NCKAP5: variants seen among roughly 807,000 people sequenced by gnomAD.
The protein encoded by NCKAP5 is NCK associated protein 5, also known as nck-associated protein 5.
A neutral mutation model predicts 167.0 loss-of-function variants in NCKAP5; 92 were observed. The ratio of observed to expected loss-of-function variants is 0.55; its 90% CI spans 0.47 to 0.66. The LOEUF (loss-of-function observed/expected upper bound fraction) is 0.66, where lower values mean the gene tolerates loss of function less well. Among genes scored for constraint, NCKAP5 ranks in the 30% least tolerant of loss-of-function variants. NCKAP5 has a pLI of 0.00. For synonymous variants in NCKAP5, 891 were observed against 877.4 expected (o/e 1.02, Z -0.27); for missense variants, 2,378 against 2,315.0 (o/e 1.03, Z -0.56).
chr2:132,802,043 G>T (rs967090628), intron 11 of NCKAP5, among the ~76,000 whole-genome samples: 1 of 152,182 alleles, frequency 6.6e-6, no homozygotes, highest in Non-Finnish European at 1.5e-5. Flanking sequence ...CTCCCGAAGT[G>T]CTAGGATTAC....
chr2:133,283,902 T>G (rs1380330927), intron 4 of NCKAP5, among the ~76,000 whole-genome samples: 1 of 152,132 alleles, frequency 6.6e-6, no homozygotes, highest in African/African-American at 2.4e-5. Flanking sequence ...TGAGCCACCG[T>G]GCCCGGCCTT....
chr2:132,962,971 G>T (rs1022784791), intron 8 of NCKAP5, among the ~76,000 whole-genome samples: 4 of 152,028 alleles, frequency 2.6e-5, no homozygotes, highest in Non-Finnish European at 5.9e-5. Context: ...TAGATGTTGG[G>T]TGAAGGCCCT....
chr2:133,443,796 T>G (rs1691007671), intron 3 of NCKAP5, among the ~76,000 whole-genome samples: 1 of 152,168 alleles, frequency 6.6e-6, no homozygotes, highest in Non-Finnish European at 1.5e-5. Flanking sequence ...GAGGGACCTC[T>G]TGAGTCTGTT....
At chr2:133,017,028 T>C (rs1443614152) in intron 6 of NCKAP5, among the ~76,000 whole-genome samples, 1 of 152,200 alleles carries the variant, frequency 6.6e-6, no homozygotes, top group African/African-American at 2.4e-5. Context: ...GTGAAATGTG[T>C]TCAATATTTA....
At chr2:132,887,668 G>A (rs765847498) in intron 8 of NCKAP5, among the ~76,000 whole-genome samples, 2 of 152,068 alleles carry the variant, frequency 1.3e-5, no homozygotes, top group Non-Finnish European at 2.9e-5. Context: ...TGGCCAAATA[G>A]TGACTATTGG....
chr2:133,427,366 A>C (rs1179535877), intron 3 of NCKAP5, among the ~76,000 whole-genome samples: 1 of 152,216 alleles, frequency 6.6e-6, no homozygotes, highest in African/African-American at 2.4e-5. Flanking sequence ...AGAAGTACAC[A>C]AAAGAAGGTA....
chr2:132,725,609 A>G lies in NCKAP5; in HGVS notation c.5713+18T>C, dbSNP rs756522695. 4 of 1,601,480 alleles carry G rather than the reference A, an allele frequency of 2.5e-6. No individual in the cohort carries two copies. The highest frequency in any genetic ancestry group is 3.4e-6 in the Non-Finnish European group (4 of 1,175,228). ...AGAGAGAGGAACCTGCAGGGCCAGC[A>G]AGTTCGCTGGTTGTTACCTGGGGCA... On this transcript the variant is annotated intron_variant, in intron 19 of 19. Transcript: ENST00000409261.
At chr2:132,964,817 A>G (rs899367043) in intron 7 of NCKAP5, among the ~76,000 whole-genome samples, 8 of 152,166 alleles carry the variant, frequency 5.3e-5, no homozygotes, top group African/African-American at 1.9e-4. Flanking sequence ...TTGCAAATAC[A>G]GAAGCACAAA....
At chr2:132,720,073 C>T (rs771717454) in intron 19 of NCKAP5, among the ~76,000 whole-genome samples, 4 of 152,118 alleles carry the variant, frequency 2.6e-5, no homozygotes, top group African/African-American at 7.2e-5. Context: ...TCCCTTCATC[C>T]GGAGATTGGG....
At chr2:132,682,654 A>G (rs2709549) in intron 19 of NCKAP5, among the ~76,000 whole-genome samples, 1 of 151,550 alleles carries the variant, frequency 6.6e-6, no homozygotes, top group African/African-American at 2.4e-5. Context: ...GAACACAAAT[A>G]TCCTGTCAAA....
chr2:133,176,017 G>A (rs1430362910), intron 5 of NCKAP5, among the ~76,000 whole-genome samples: 2 of 152,154 alleles, frequency 1.3e-5, no homozygotes, highest in Non-Finnish European at 1.5e-5. Flanking sequence ...TGCTAACAAA[G>A]AGCCTGATGC....
At chr2:133,170,233 A>G (rs1229712458) in intron 5 of NCKAP5, among the ~76,000 whole-genome samples, 1 of 152,030 alleles carries the variant, frequency 6.6e-6, no homozygotes, top group Non-Finnish European at 1.5e-5. Context: ...AACGGCTGGG[A>G]ACGTGGGTGA....
At chr2:133,158,670 C>T (rs2083670503) in intron 5 of NCKAP5, among the ~76,000 whole-genome samples, 1 of 152,254 alleles carries the variant, frequency 6.6e-6, no homozygotes, top group Non-Finnish European at 1.5e-5. Flanking sequence ...CACTACTTGC[C>T]AGTCTAGACA....
rs534017103 is a variant in NCKAP5, at chr2:133,516,313, G to T, written c.69+1145C>A. ...CACACTCACACACCAATGTCACCAC[G>T]TTCAACCTGGAGTTAGCAAGACGTA... On this transcript the variant is annotated intron_variant, in intron 3 of 19. Coordinates refer to ENST00000409261, the MANE Select transcript of NCKAP5 (RefSeq NM_207363.3). Among the ~76,000 whole-genome samples the T allele has an allele frequency of 7.2e-5, 11 of 152,162 alleles. No individual in the cohort carries two copies. In the East Asian group the frequency reaches 2.1e-3, roughly 29 times the overall value.
intron 8 of NCKAP5, among the ~76,000 whole-genome samples, chr2:132,891,439 A>G (rs1692703826): frequency 1.3e-5 from 2 of 152,162 alleles, no homozygotes; most frequent in African/African-American, 4.8e-5. Flanking sequence ...ATTGCCTTGG[A>G]AGCATTCAGA....
In NCKAP5 at chr2:133,344,788, G is replaced by A. The variant is rs112377074; in HGVS notation, c.70-41678C>T. Among the ~76,000 whole-genome samples, 741 of 152,180 alleles carry A rather than the reference G, an allele frequency of 4.9e-3. 4 individuals are homozygous for A. The highest frequency in any genetic ancestry group is 7.4e-3 in the Non-Finnish European group (506 of 68,000). Reference sequence around the variant, plus strand: ...ATATATACCACCATTAGATGCAATGGGGAAGACCAAGGCAAAAGTTTGTGT... The same window carrying A: ...ATATATACCACCATTAGATGCAATGAGGAAGACCAAGGCAAAAGTTTGTGT... On this transcript the variant is annotated intron_variant, in intron 3 of 19. Transcript: ENST00000409261.
At chr2:133,450,578 C>A (rs901807132) in intron 3 of NCKAP5, among the ~76,000 whole-genome samples, 1 of 152,200 alleles carries the variant, frequency 6.6e-6, no homozygotes, top group African/African-American at 2.4e-5. Context: ...ACATTTATTT[C>A]TTTTAAATCA....
chr2:132,740,166 C>T (rs1444283062), intron 16 of NCKAP5, among the ~76,000 whole-genome samples: 2 of 152,172 alleles, frequency 1.3e-5, no homozygotes, highest in South Asian at 2.1e-4. Context: ...ACTTTGAAAA[C>T]TTCCACACAG....
intron 6 of NCKAP5, among the ~76,000 whole-genome samples, chr2:133,021,181 A>T (rs2078514080): frequency 6.6e-6 from 1 of 152,226 alleles, no homozygotes; most frequent in Non-Finnish European, 1.5e-5. Context: ...TTCAGAAAGC[A>T]GTACCCTTAG....
Sources: gnomAD v4.1 joint callset for allele counts (sites outside exome capture counted in the v4.1 genomes callset) on GRCh38, gnomAD v4.1.1 for gene constraint, MANE v1.5 for transcripts, NCBI Gene and HGNC (gene_info 2026-07-23, HGNC 2026-07-21) for gene names.